The following CCSER1 variants were observed in gnomAD, a reference collection of about 807,000 sequenced individuals.
CCSER1 encodes coiled-coil serine rich protein 1, also known as serine-rich coiled-coil domain-containing protein 1.
In CCSER1, 41 loss-of-function variants were observed where a neutral mutation model predicts 82.0. The ratio of observed to expected loss-of-function variants is 0.50; its 90% confidence interval spans 0.39 to 0.65. The LOEUF is 0.65. Among genes scored for constraint, CCSER1 ranks in the 30% least tolerant of loss-of-function variants. CCSER1 has a pLI of 0.00. For missense variants in CCSER1, 1,119 were observed against 1,064.2 expected (o/e 1.05, Z -0.72); for synonymous variants, 414 against 383.9 (o/e 1.08, Z -0.92).
chr4:91,559,703 A>C (rs758035937), intron 10 of CCSER1, among the ~76,000 whole-genome samples: 3 of 151,578 alleles, frequency 2.0e-5, no homozygotes, highest in Non-Finnish European at 4.4e-5. Context: ...TAAAATAATA[A>C]TTTCCAATTA....
intron 5 of CCSER1, among the ~76,000 whole-genome samples, chr4:90,569,809 G>A (rs1318302164): frequency 2.0e-5 from 3 of 152,192 alleles, no homozygotes; most frequent in Admixed American, 2.0e-4. Context: ...CACTGCTGCA[G>A]GACTGAGGTG....
At chr4:90,545,451 A>G (rs1379817830) in intron 5 of CCSER1, among the ~76,000 whole-genome samples, 2 of 152,130 alleles carry the variant, frequency 1.3e-5, no homozygotes, top group Admixed American at 1.3e-4. Context: ...ATATAATTTC[A>G]TGTGTTTCTT....
At chr4:91,101,020 G>T (rs1050595303) in intron 10 of CCSER1, among the ~76,000 whole-genome samples, 24 of 152,048 alleles carry the variant, frequency 1.6e-4, no homozygotes, top group African/African-American at 5.6e-4. Context: ...AAAATACTTT[G>T]CAAGACAAAC....
At chr4:91,027,040 A>G (rs1330943949) in intron 9 of CCSER1, among the ~76,000 whole-genome samples, 1 of 152,070 alleles carries the variant, frequency 6.6e-6, no homozygotes, top group Non-Finnish European at 1.5e-5. Flanking sequence ...TTTTCTCTTC[A>G]TGTTATTGCT....
At chr4:90,736,767 C>T (rs1171328512) in intron 7 of CCSER1, among the ~76,000 whole-genome samples, 1 of 151,530 alleles carries the variant, frequency 6.6e-6, no homozygotes, top group African/African-American at 2.4e-5. Context: ...TTGTTTTTTC[C>T]TTCTTTCCTC....
intron 10 of CCSER1, among the ~76,000 whole-genome samples, chr4:91,399,349 A>G (rs1303534449): frequency 6.6e-6 from 1 of 151,942 alleles, no homozygotes; most frequent in East Asian, 1.9e-4. Context: ...TTGACAAAGA[A>G]GTTTATCTGT....
chr4:90,490,902 C>T (rs1767904074), intron 5 of CCSER1, among the ~76,000 whole-genome samples: 1 of 152,084 alleles, frequency 6.6e-6, no homozygotes. Flanking sequence ...GGTACCAGTA[C>T]CATGCTGTTT....
In CCSER1 at chr4:90,519,196, T is replaced by C. The variant is rs116394288; in HGVS notation, c.1724+50842T>C. On this transcript the variant is annotated intron_variant, in intron 5 of 10. Transcript: ENST00000509176. ...ATTCATTCATTCATTCTGCCTTCTA[T>C]GTGCCAGATATTCTTCTACCTCTGA... Among the ~76,000 whole-genome samples, 1,145 of 152,018 alleles carry C rather than the reference T, an allele frequency of 7.5e-3. 11 individuals are homozygous for C. Among genetic ancestry groups the C allele is most frequent in the Middle Eastern group, 0.034 (10 of 294 alleles).
chr4:90,210,115 T>C (rs1312499399), intron 1 of CCSER1, among the ~76,000 whole-genome samples: 2 of 152,216 alleles, frequency 1.3e-5, no homozygotes, highest in African/African-American at 4.8e-5. Flanking sequence ...ACTCTTTCAA[T>C]GGCCCAAGAA....
At chr4:91,533,141 A>G (rs1453512061) in intron 10 of CCSER1, among the ~76,000 whole-genome samples, 1 of 152,216 alleles carries the variant, frequency 6.6e-6, no homozygotes, top group Non-Finnish European at 1.5e-5. Context: ...TATTTAATCA[A>G]TGTACAACAG....
intron 9 of CCSER1, among the ~76,000 whole-genome samples, chr4:91,030,596 A>G (rs1031185460): frequency 1.1e-4 from 17 of 152,106 alleles, no homozygotes; most frequent in Admixed American, 5.9e-4. Context: ...TTTTCAATCT[A>G]TGATGAAAAA....
intron 10 of CCSER1, among the ~76,000 whole-genome samples, chr4:91,268,451 T>C (rs944320327): frequency 6.6e-6 from 1 of 152,196 alleles, no homozygotes; most frequent in Non-Finnish European, 1.5e-5. Context: ...GTTTCCCTTT[T>C]CTGGTAGTTA....
chr4:90,929,824 T>G (rs1729505703), intron 9 of CCSER1, among the ~76,000 whole-genome samples: 1 of 152,224 alleles, frequency 6.6e-6, no homozygotes, highest in Non-Finnish European at 1.5e-5. Context: ...GCAGGGTGAC[T>G]ATAATTAATG....
intron 10 of CCSER1, among the ~76,000 whole-genome samples, chr4:91,411,527 A>ATATAT (rs1560650607): frequency 6.5e-5 from 3 of 46,032 alleles, no homozygotes; most frequent in Admixed American, 2.6e-4. Context: ...TATATATATA[A>ATATAT]AATCTTGACT....
intron 6 of CCSER1, among the ~76,000 whole-genome samples, chr4:90,706,487 A>G (rs1739377947): frequency 6.6e-6 from 1 of 152,152 alleles, no homozygotes; most frequent in Non-Finnish European, 1.5e-5. Context: ...AAAACAAATA[A>G]AACCACAACA....
intron 3 of CCSER1, among the ~76,000 whole-genome samples, chr4:90,396,144 T>C (rs1436438502): frequency 1.3e-5 from 2 of 152,098 alleles, no homozygotes; most frequent in African/African-American, 4.8e-5. Flanking sequence ...CTTTATTATG[T>C]AGGGCTATCT....
chr4:90,476,239 AG>A (rs1765086802), intron 5 of CCSER1, among the ~76,000 whole-genome samples: 3 of 152,306 alleles, frequency 2.0e-5, no homozygotes, highest in African/African-American at 7.2e-5. Flanking sequence ...GCCTTACATA[AG>A]ATGCATTTCC....
chr4:90,169,644 G>GT (rs564818146), intron 1 of CCSER1, among the ~76,000 whole-genome samples: 4 of 152,096 alleles, frequency 2.6e-5, no homozygotes, highest in African/African-American at 9.6e-5. Flanking sequence ...AAACCATCAT[G>GT]TTACTGAAAT....
chr4:91,512,829 C>A (rs1759898981), intron 10 of CCSER1, among the ~76,000 whole-genome samples: 1 of 152,136 alleles, frequency 6.6e-6, no homozygotes, highest in Admixed American at 6.5e-5. Flanking sequence ...TGAAACTTTA[C>A]TGAAGTTGTT....
Sources: allele counts gnomAD v4.1 joint callset (sites outside exome capture counted in the v4.1 genomes callset), GRCh38; gene constraint gnomAD v4.1.1; transcripts MANE v1.5; gene names NCBI Gene and HGNC (gene_info 2026-07-23, HGNC 2026-07-21).